SNX16: variants seen among roughly 807,000 people sequenced by gnomAD.
SNX16 encodes the protein sorting nexin-16.
In SNX16, 35 loss-of-function variants were observed where a neutral mutation model predicts 36.7. The observed-to-expected ratio is 0.95, with a 90% CI of 0.73 to 1.27. The LOEUF (loss-of-function observed/expected upper bound fraction) is 1.27. SNX16 is among the 50% of genes most tolerant of loss of function. The probability of loss-of-function intolerance (pLI) is 0.00; values close to 1 mark genes in which losing one functional copy is unlikely to be tolerated. For synonymous variants in SNX16, 134 were observed against 132.0 expected (o/e 1.02, Z -0.10); for missense variants, 367 against 393.6 (o/e 0.93, Z 0.57).
chr8:81,805,749 C>A (rs1809904730), intron 5 of SNX16, among the ~76,000 whole-genome samples: 11 of 152,072 alleles, frequency 7.2e-5, no homozygotes, highest in Admixed American at 2.0e-4. Flanking sequence ...GAAACCCCGT[C>A]TCTACTAAAA....
chr8:81,838,575 A>G (rs748513832), intron 2 of SNX16, among the ~76,000 whole-genome samples: 18 of 114,608 alleles, frequency 1.6e-4, no homozygotes, highest in Admixed American at 3.4e-4. Flanking sequence ...TCCCATCTGG[A>G]AAAAAAAAAA....
rs900797331 is a variant in SNX16 at position 81,801,016 on chromosome 8, T to G, written c.*481A>C. ...ATGTAAACATGTAAACATTAAAAAC[T>G]CAACTAAATTTTATCTTTATTATGA... On this transcript the variant is annotated 3_prime_UTR_variant, in exon 8 of 8. Coordinates refer to ENST00000345957, the MANE Select transcript of SNX16 (RefSeq NM_152836.3). 1.6e-4 allele frequency: 24 copies of G among 152,220 alleles called. No homozygotes were observed. The highest frequency in any genetic ancestry group is 6.9e-3 in the Middle Eastern group (2 of 288). 9.4% of individuals were successfully genotyped at this position (152,220 alleles called of 1,614,324 possible).
At chr8:81,808,797 A>T in intron 5 of SNX16, 1 of 819,988 alleles carries the variant, frequency 1.2e-6, no homozygotes, top group Non-Finnish European at 2.1e-6. Flanking sequence ...ACAGGTAACA[A>T]CAGATTTGTG....
intron 5 of SNX16, chr8:81,808,041 C>T: frequency 2.2e-6 from 2 of 928,324 alleles, no homozygotes; most frequent in Non-Finnish European, 3.5e-6. Context: ...AGAGAGCTGT[C>T]TCAAGGGAAG....
chr8:81,826,916 T>C (rs1485451603), intron 3 of SNX16, among the ~76,000 whole-genome samples: 1 of 152,152 alleles, frequency 6.6e-6, no homozygotes, highest in African/African-American at 2.4e-5. Context: ...CTGAACTCTA[T>C]CTACTCATTT....
intron 4 of SNX16, among the ~76,000 whole-genome samples, chr8:81,816,698 G>A (rs529645706): frequency 4.6e-5 from 7 of 152,234 alleles, no homozygotes; most frequent in African/African-American, 1.7e-4. Flanking sequence ...GGTAAGATTA[G>A]GATAAGTATT....
chr8:81,822,975 T>TATAC (rs1443392174), intron 4 of SNX16, among the ~76,000 whole-genome samples: 3 of 146,026 alleles, frequency 2.1e-5, no homozygotes, highest in East Asian at 2.0e-4. Flanking sequence ...TATATATATA[T>TATAC]ACACATATGT....
intron 2 of SNX16, among the ~76,000 whole-genome samples, chr8:81,832,430 G>T (rs1377601696): frequency 6.6e-6 from 1 of 152,086 alleles, no homozygotes; most frequent in African/African-American, 2.4e-5. Context: ...AGGATGAAGG[G>T]GGGAAGGAGT....
chr8:81,841,326 A>G (rs1313483062), intron 1 of SNX16, among the ~76,000 whole-genome samples: 2 of 142,190 alleles, frequency 1.4e-5, no homozygotes, highest in Non-Finnish European at 3.0e-5. Flanking sequence ...GGGCTACAAG[A>G]GGAAAACTCC....
At chr8:81,841,521 C>T (rs1017136132) in intron 1 of SNX16, among the ~76,000 whole-genome samples, 1 of 151,850 alleles carries the variant, frequency 6.6e-6, no homozygotes, top group African/African-American at 2.4e-5. Context: ...TCTACCTGGC[C>T]TTTGCCACTC....
chr8:81,806,299 C>A (rs1809941533), intron 5 of SNX16, among the ~76,000 whole-genome samples: 1 of 152,018 alleles, frequency 6.6e-6, no homozygotes. Context: ...CATTACAATT[C>A]AAATCCAGTA....
In SNX16 at chr8:81,801,399, CTA is replaced by C. The variant is rs1400312089; in HGVS notation, c.*96_*97del. 1.1e-5 allele frequency: 7 copies of C among 643,384 alleles called. No individual in the cohort carries two copies. In the South Asian group the frequency reaches 1.2e-4, roughly 11 times the overall value. The allele number at this position is 643,384 out of a possible 1,614,324, so 39.9% of individuals were successfully genotyped here. ...TATACATGTGCATTCTTGCTCTTTTCTATATGTTTTACAGTTCTTGGTTCTTC... is the reference window on the plus strand; with the variant it reads ...TATACATGTGCATTCTTGCTCTTTTCTATGTTTTACAGTTCTTGGTTCTTC... On this transcript the variant is annotated 3_prime_UTR_variant, in exon 8 of 8. Coordinates refer to ENST00000345957, the MANE Select transcript of SNX16 (RefSeq NM_152836.3).
intron 5 of SNX16, chr8:81,815,083 G>A: frequency 4.8e-6 from 1 of 210,118 alleles, no homozygotes; most frequent in Non-Finnish European, 9.5e-6. Context: ...AAATAATGCA[G>A]GATTTAATTT....
chr8:81,813,277 G>C (rs900330329), intron 5 of SNX16, among the ~76,000 whole-genome samples: 8 of 152,026 alleles, frequency 5.3e-5, no homozygotes, highest in Middle Eastern at 3.4e-3. Flanking sequence ...CAGGAAAATA[G>C]ATCAACAGAC....
chr8:81,815,113 A>C, intron 5 of SNX16: 1 of 287,558 alleles, frequency 3.5e-6, no homozygotes, highest in Non-Finnish European at 6.6e-6. Flanking sequence ...ATTGACTATA[A>C]GACATATATG....
chr8:81,818,334 T>G (rs980731949), intron 4 of SNX16, among the ~76,000 whole-genome samples: 19 of 152,078 alleles, frequency 1.2e-4, no homozygotes, highest in Non-Finnish European at 2.2e-4. Context: ...ATTTTCTTTT[T>G]TAAATTAAAA....
chr8:81,807,475 C>T (rs546833760), intron 5 of SNX16, among the ~76,000 whole-genome samples: 16 of 130,466 alleles, frequency 1.2e-4, no homozygotes, highest in South Asian at 5.1e-4. Flanking sequence ...GCCAAGATGG[C>T]GCCACTGCAC....
intron 2 of SNX16, among the ~76,000 whole-genome samples, chr8:81,836,973 C>CAGGGTAAG (rs1437389005): frequency 6.6e-6 from 1 of 152,170 alleles, no homozygotes; most frequent in African/African-American, 2.4e-5. Flanking sequence ...TGCTGTCAGC[C>CAGGGTAAG]ACAAGGATCT....
At position 81,801,139 on chromosome 8, in the gene SNX16, A is replaced by C. The variant is rs572398919; in HGVS notation, c.*358T>G. 7 of 158,118 alleles carry C rather than the reference A, an allele frequency of 4.4e-5. No individual in the cohort carries two copies. Among genetic ancestry groups the C allele is most frequent in the African/African-American group, 1.7e-4 (7 of 41,860 alleles). 9.8% of individuals were successfully genotyped at this position (158,118 alleles called of 1,614,324 possible). A position where few individuals can be genotyped will look rare whatever the true frequency, so the allele number is the denominator to read the frequency against. ...GTAACATGCAATTAATTTCCATTTG[A>C]TTAATATAATTGGTGATTTAACACA... is the stretch of plus-strand genomic sequence containing the variant. On this transcript the variant is annotated 3_prime_UTR_variant, in exon 8 of 8. Coordinates refer to ENST00000345957, the MANE Select transcript of SNX16 (RefSeq NM_152836.3).
Sources: gnomAD v4.1 joint callset for allele counts (sites outside exome capture counted in the v4.1 genomes callset) on GRCh38, gnomAD v4.1.1 for gene constraint, MANE v1.5 for transcripts, NCBI Gene and HGNC (gene_info 2026-07-23, HGNC 2026-07-21) for gene names.